CCDC138: variants seen among roughly 807,000 people sequenced by gnomAD.
CCDC138 encodes coiled-coil domain-containing protein 138.
A neutral mutation model predicts 82.3 loss-of-function variants in CCDC138; 66 were observed. That is an observed-to-expected ratio of 0.80 (90% CI 0.66 to 0.98). The LOEUF is 0.98. Among genes scored for constraint, CCDC138 ranks in the 50% least tolerant of loss-of-function variants. CCDC138 has a pLI of 0.00. For synonymous variants in CCDC138, 297 were observed against 265.4 expected (o/e 1.12, Z -1.16); for missense variants, 816 against 758.9 (o/e 1.08, Z -0.88).
chr2:108,856,504 A>T (rs1266954236), intron 12 of CCDC138, among the ~76,000 whole-genome samples: 1 of 152,234 alleles, frequency 6.6e-6, no homozygotes, highest in Non-Finnish European at 1.5e-5. Flanking sequence ...CATTCGTGAT[A>T]CTAATAGGCA....
chr2:108,837,020 C>T (rs572245597), intron 10 of CCDC138, among the ~76,000 whole-genome samples: 60 of 152,080 alleles, frequency 3.9e-4, no homozygotes, highest in African/African-American at 1.2e-3. Context: ...GATGATTTTA[C>T]TTCTCCAATT....
rs1689591397 is a variant in CCDC138, at chr2:108,842,108, G to GC, written c.1323+2809dup. Among the ~76,000 whole-genome samples the GC allele has an allele frequency of 3.3e-5, 5 of 152,022 alleles. 1 individual carries two copies. The highest frequency in any genetic ancestry group is 3.3e-4 in the Admixed American group (5 of 15,244). ...GCAGTGATGATCATAGATCACTGCAGCCTCCAGCTCCTGGGCTCAAGCAAT... is the reference window on the plus strand; with the variant it reads ...GCAGTGATGATCATAGATCACTGCAGCCCTCCAGCTCCTGGGCTCAAGCAAT... On this transcript the variant is annotated intron_variant, in intron 11 of 14. Transcript: ENST00000295124.
Position 108,839,010 on chromosome 2 carries a change from T to C in CCDC138, c.1207-175T>C, listed in dbSNP as rs1229898723. The C allele has an allele frequency of 1.8e-5, 4 of 225,052 alleles. 1 individual carries two copies. The highest frequency in any genetic ancestry group is 3.0e-5 in the Non-Finnish European group (4 of 135,054). 13.9% of individuals were successfully genotyped at this position (225,052 alleles called of 1,614,324 possible). On this transcript the variant is annotated intron_variant, in intron 10 of 14. Transcript: ENST00000295124. ...TGAAAGAAAATGCATATATAAGAACTAAAATACATATTGCCAAATTGTATT... is the reference window on the plus strand; with the variant it reads ...TGAAAGAAAATGCATATATAAGAACCAAAATACATATTGCCAAATTGTATT...
At chr2:108,867,929 T>C (rs936420571) in intron 13 of CCDC138, among the ~76,000 whole-genome samples, 3 of 152,210 alleles carry the variant, frequency 2.0e-5, no homozygotes, top group African/African-American at 4.8e-5. Context: ...CTTTAAAAAA[T>C]AATTTTATTC....
chr2:108,867,230 C>A (rs779219509), intron 13 of CCDC138, among the ~76,000 whole-genome samples: 16 of 152,024 alleles, frequency 1.1e-4, no homozygotes, highest in Non-Finnish European at 2.4e-4. Context: ...ATAACTAAGT[C>A]TTTTAGAAGA....
Position 108,840,991 on chromosome 2 carries a change from T to G in CCDC138, c.1323+1690T>G, listed in dbSNP as rs186770349. ...CACACCTGGCTAATTTTTGTGTTTT[T>G]TGTGTGTGTGTTTTTTGTTTGTTTG... On this transcript the variant is annotated intron_variant, in intron 11 of 14. Coordinates refer to ENST00000295124, the MANE Select transcript of CCDC138 (RefSeq NM_144978.3). 2.2e-4 allele frequency among the ~76,000 whole-genome samples: 34 copies of G among 151,890 alleles called. No homozygotes were observed. In the East Asian group the frequency reaches 3.3e-3, roughly 15 times the overall value.
chr2:108,835,409 T>G (rs972400238), intron 10 of CCDC138, among the ~76,000 whole-genome samples: 2 of 152,210 alleles, frequency 1.3e-5, no homozygotes, highest in Non-Finnish European at 2.9e-5. Flanking sequence ...ATATTAATCC[T>G]CTATTTCTAA....
Position 108,794,569 on chromosome 2 carries a change from A to G in CCDC138, c.424A>G (p.Arg142Gly), listed in dbSNP as rs138368434. ...VALPTNTTSS[R>G]PRTECCSDAG... ...CTTGCCAACTAATACGACCTCATCG[A>G]GACCTCGGACTGAGTGTTGTAGTGA... Residue 142 changes from arginine to glycine, a missense_variant, in exon 5 of 15, where the codon AGA (arginine) becomes GGA (glycine). Coordinates refer to ENST00000295124, the MANE Select transcript of CCDC138 (RefSeq NM_144978.3). 6 of 1,612,594 alleles carry G rather than the reference A, an allele frequency of 3.7e-6. No homozygotes were observed. The East Asian group carries it at 1.3e-4, about 36-fold the overall frequency.
chr2:108,843,841 G>GTTTTTTTT (rs1574181368), intron 11 of CCDC138, among the ~76,000 whole-genome samples: 1 of 81,784 alleles, frequency 1.2e-5, no homozygotes. Context: ...TCAAGTTCAT[G>GTTTTTTTT]TTTTGTGTGT....
intron 12 of CCDC138, among the ~76,000 whole-genome samples, chr2:108,855,487 T>TA (rs377641921): frequency 0.026 from 3,540 of 137,422 alleles, 111 homozygotes; most frequent in South Asian, 0.09. Flanking sequence ...GTGGTGTTGC[T>TA]AAAAAAAAAA....
chr2:108,884,956 C>T (rs1347937555), intron 2 of CCDC138: 2 of 152,204 alleles, frequency 1.3e-5, no homozygotes, highest in African/African-American at 2.4e-5. Context: ...ATTTCCCTGT[C>T]TGTAGAATGA....
At chr2:108,800,386 T>A (rs1202259528) in intron 6 of CCDC138, among the ~76,000 whole-genome samples, 1 of 152,040 alleles carries the variant, frequency 6.6e-6, no homozygotes, top group Non-Finnish European at 1.5e-5. Flanking sequence ...TGCCTTAATC[T>A]CCTGAGTAGC....
At chr2:108,882,730 C>T (rs1416357346) in exon 2 of CCDC138, 1 of 152,256 alleles carries the variant, frequency 6.6e-6, no homozygotes, top group Non-Finnish European at 1.5e-5. Flanking sequence ...CAGGCCTCCT[C>T]TTTCTCTCAC....
intron 10 of CCDC138, among the ~76,000 whole-genome samples, chr2:108,823,628 G>T (rs1686078094): frequency 6.6e-6 from 1 of 152,200 alleles, no homozygotes; most frequent in Non-Finnish European, 1.5e-5. Context: ...ACAATGTGAA[G>T]TATTTGGGTA....
chr2:108,846,994 C>A, intron 12 of CCDC138, 64 bp downstream of exon 12: 1 of 881,532 alleles, frequency 1.1e-6, no homozygotes, highest in Non-Finnish European at 1.8e-6. Flanking sequence ...TATATTAAAG[C>A]AATTCTTTTA....
rs1013496242 is a variant in CCDC138, at chr2:108,789,058, CTGAGGACAAGTA to C, written c.266+106_266+117del. ...GGGCAGGTTATATTTTTGCTCTTTC[CTGAGGACAAGTA>C]TGAGGACAAGTATAAGGCAGTCTGG... On this transcript the variant is annotated intron_variant, in intron 3 of 14. Transcript: ENST00000295124. 103 of 1,352,338 alleles carry C rather than the reference CTGAGGACAAGTA, an allele frequency of 7.6e-5. 1 individual carries two copies. In the Admixed American group the frequency reaches 1.5e-3, roughly 20 times the overall value. 83.8% of individuals were successfully genotyped at this position (1,352,338 alleles called of 1,614,324 possible). A position where few individuals can be genotyped will look rare whatever the true frequency, so the allele number is the denominator to read the frequency against.
intron 6 of CCDC138, among the ~76,000 whole-genome samples, chr2:108,799,852 C>T (rs1681599525): frequency 6.6e-6 from 1 of 152,026 alleles, no homozygotes; most frequent in South Asian, 2.1e-4. Flanking sequence ...CTTGATCCAT[C>T]TTAAAGTTCA....
chr2:108,791,636 A>G (rs1437630602), intron 3 of CCDC138, 39 bp from the exon 4 acceptor site: 1 of 1,589,540 alleles, frequency 6.3e-7, no homozygotes. Context: ...GTGCTATAGT[A>G]AACTTCTAGA....
downstream of CCDC138, among the ~76,000 whole-genome samples, chr2:108,879,842 G>C (rs17036987): frequency 0.013 from 1,999 of 152,140 alleles, 63 homozygotes; most frequent in South Asian, 0.082. Context: ...TAGAGTCCTT[G>C]AGTTTACCTC....
Sources: gnomAD v4.1 joint callset for allele counts (sites outside exome capture counted in the v4.1 genomes callset) on GRCh38, gnomAD v4.1.1 for gene constraint, MANE v1.5 for transcripts, NCBI Gene and HGNC (gene_info 2026-07-23, HGNC 2026-07-21) for gene names.